PLGRKT: variants seen among roughly 807,000 people sequenced by gnomAD.
PLGRKT encodes plasminogen receptor (KT).
PLGRKT carries 22 observed loss-of-function variants against 18.5 expected under a neutral mutation model. The observed-to-expected ratio is 1.19, with a 90% CI of 0.85 to 1.70. The LOEUF is 1.70. Among genes scored for constraint, PLGRKT ranks in the 40% most tolerant of loss-of-function variants. The pLI is 0.00. For missense variants in PLGRKT, 235 were observed against 174.4 expected, an observed-to-expected ratio of 1.35 and a Z score of -1.96; for synonymous variants, 72 against 52.8, an observed-to-expected ratio of 1.36 and a Z score of -1.58.
chr9:5,430,727 T>C (rs979387404), intron 3 of PLGRKT, among the ~76,000 whole-genome samples: 3 of 152,214 alleles, frequency 2.0e-5, no homozygotes, highest in Non-Finnish European at 4.4e-5. Context: ...ACTAGCTACA[T>C]GCCTTACCAG....
chr9:5,368,056 G>A (rs945468791), intron 3 of PLGRKT, among the ~76,000 whole-genome samples: 2 of 152,114 alleles, frequency 1.3e-5, no homozygotes, highest in African/African-American at 4.8e-5. Flanking sequence ...ACACCAGTCA[G>A]AATGGCTATT....
chr9:5,375,132 T>C (rs1305514970), intron 3 of PLGRKT, among the ~76,000 whole-genome samples: 2 of 152,218 alleles, frequency 1.3e-5, no homozygotes, highest in Admixed American at 6.5e-5. Context: ...TTCTATACTA[T>C]AAAACTTTTC....
At chr9:5,405,501 C>A (rs1373182688) in intron 3 of PLGRKT, among the ~76,000 whole-genome samples, 5 of 152,164 alleles carry the variant, frequency 3.3e-5, no homozygotes, top group Non-Finnish European at 7.4e-5. Flanking sequence ...CAAAAACAAG[C>A]AATGGGGAAA....
chr9:5,401,848 G>GAC (rs1818160597), intron 3 of PLGRKT, among the ~76,000 whole-genome samples: 1 of 152,002 alleles, frequency 6.6e-6, no homozygotes, highest in African/African-American at 2.4e-5. Context: ...GTGTCAAGGG[G>GAC]ACATCAATTC....
At chr9:5,406,125 T>A (rs1473470387) in intron 3 of PLGRKT, among the ~76,000 whole-genome samples, 1 of 152,124 alleles carries the variant, frequency 6.6e-6, no homozygotes, top group Non-Finnish European at 1.5e-5. Context: ...GCTGGCAGTA[T>A]TGAGGCGAAA....
chr9:5,373,591 T>G (rs1021525720), intron 3 of PLGRKT, among the ~76,000 whole-genome samples: 9 of 151,948 alleles, frequency 5.9e-5, no homozygotes, highest in African/African-American at 2.2e-4. Context: ...CTTGAGCCCG[T>G]AAGTTCAAGA....
intron 3 of PLGRKT, among the ~76,000 whole-genome samples, chr9:5,388,172 C>T (rs1817880988): frequency 6.6e-6 from 1 of 151,854 alleles, no homozygotes; most frequent in Admixed American, 6.5e-5. Context: ...ATCTGAGCCA[C>T]AGCCACTCCA....
chr9:5,401,057 A>C (rs1171476962), intron 3 of PLGRKT, among the ~76,000 whole-genome samples: 1 of 151,896 alleles, frequency 6.6e-6, no homozygotes, highest in African/African-American at 2.4e-5. Flanking sequence ...TTAAAATTTT[A>C]CTTTTTAAGG....
At chr9:5,370,648 G>A (rs1817495955) in intron 3 of PLGRKT, among the ~76,000 whole-genome samples, 1 of 152,166 alleles carries the variant, frequency 6.6e-6, no homozygotes, top group African/African-American at 2.4e-5. Flanking sequence ...AAAAGGTCAT[G>A]TAGACCTGTT....
At chr9:5,369,942 G>A (rs1445594640) in intron 3 of PLGRKT, among the ~76,000 whole-genome samples, 3 of 151,348 alleles carry the variant, frequency 2.0e-5, no homozygotes, top group Non-Finnish European at 4.4e-5. Context: ...CTGTCATGGG[G>A]TAGGGGGACT....
At chr9:5,432,171 T>A (rs910570778) in intron 2 of PLGRKT, among the ~76,000 whole-genome samples, 188 bp from the exon 3 acceptor site, 7 of 152,102 alleles carry the variant, frequency 4.6e-5, no homozygotes, top group African/African-American at 1.7e-4. Flanking sequence ...ACTTAACGAG[T>A]CTGGCCATCA....
At chr9:5,383,834 G>A (rs1817790978) in intron 3 of PLGRKT, among the ~76,000 whole-genome samples, 1 of 152,184 alleles carries the variant, frequency 6.6e-6, no homozygotes, top group East Asian at 1.9e-4. Context: ...ATGGGCCAAT[G>A]ACCAGTACCA....
Position 5,431,296 on chromosome 9 carries a change from G to C in PLGRKT, c.81+601C>G, listed in dbSNP as rs147192837. Among the ~76,000 whole-genome samples the C allele has an allele frequency of 2.0e-3, 300 of 152,258 alleles. 1 individual carries two copies. Among genetic ancestry groups the C allele is most frequent in the African/African-American group, 6.9e-3 (288 of 41,540 alleles). Reference sequence around the variant, plus strand: ...TACCTGTAATTCCAGCAATTTGGGAGGCTGAGGCCAGTAGATCATTTGAGG... The same window carrying C: ...TACCTGTAATTCCAGCAATTTGGGACGCTGAGGCCAGTAGATCATTTGAGG... On this transcript the variant is annotated intron_variant, in intron 3 of 5. Coordinates refer to ENST00000223864, the MANE Select transcript of PLGRKT (RefSeq NM_018465.4).
At chr9:5,371,350 T>C (rs941692933) in intron 3 of PLGRKT, among the ~76,000 whole-genome samples, 5 of 152,184 alleles carry the variant, frequency 3.3e-5, no homozygotes, top group African/African-American at 1.2e-4. Context: ...ACTTGAATTG[T>C]ATCTCCCACA....
intron 3 of PLGRKT, among the ~76,000 whole-genome samples, chr9:5,422,275 C>T (rs992968202): frequency 6.6e-6 from 1 of 152,130 alleles, no homozygotes; most frequent in African/African-American, 2.4e-5. Flanking sequence ...ACAACCAGAC[C>T]TCATGAGCCT....
intron 3 of PLGRKT, among the ~76,000 whole-genome samples, chr9:5,383,208 AAAG>A (rs1312405081): frequency 6.6e-6 from 1 of 152,202 alleles, no homozygotes; most frequent in Non-Finnish European, 1.5e-5. Context: ...TGCAAAAGGC[AAAG>A]AAGGATTCTC....
intron 3 of PLGRKT, among the ~76,000 whole-genome samples, chr9:5,363,522 G>C (rs1461130186): frequency 1.3e-5 from 2 of 152,076 alleles, no homozygotes; most frequent in African/African-American, 4.8e-5. Context: ...CACACCCCTT[G>C]GCCGCTGAGG....
At chr9:5,434,645 G>C (rs1195365303) in intron 2 of PLGRKT, among the ~76,000 whole-genome samples, 3 of 149,512 alleles carry the variant, frequency 2.0e-5, no homozygotes, top group Non-Finnish European at 4.5e-5. Context: ...CCATCATCTG[G>C]GATGTGAGGA....
intron 3 of PLGRKT, among the ~76,000 whole-genome samples, chr9:5,413,290 A>G (rs747347865): frequency 6.6e-6 from 1 of 152,240 alleles, no homozygotes; most frequent in Non-Finnish European, 1.5e-5. Context: ...ATAGCAAAAT[A>G]TTGGAAATAA....
Sources: gnomAD v4.1 joint callset for allele counts (sites outside exome capture counted in the v4.1 genomes callset) on GRCh38, gnomAD v4.1.1 for gene constraint, MANE v1.5 for transcripts, NCBI Gene and HGNC (gene_info 2026-07-23, HGNC 2026-07-21) for gene names.